USP6NL: variants seen among roughly 807,000 people sequenced by gnomAD.
USP6NL encodes the protein USP6 N-terminal-like protein.
In USP6NL, 26 loss-of-function variants were observed where a neutral mutation model predicts 61.9. The observed-to-expected ratio is 0.42, with a 90% CI of 0.31 to 0.58. USP6NL has a LOEUF of 0.58. Among genes scored for constraint, USP6NL ranks in the 20% least tolerant of loss-of-function variants. The pLI, the probability that USP6NL is intolerant of heterozygous loss-of-function variation, is 0.16. For synonymous variants in USP6NL, 432 were observed against 390.1 expected (o/e 1.11, Z -1.27); for missense variants, 1,114 against 1,034.3 (o/e 1.08, Z -1.06).
intron 2 of USP6NL, among the ~76,000 whole-genome samples, chr10:11,572,081 C>A (rs1341009563): frequency 6.6e-6 from 1 of 151,490 alleles, no homozygotes; most frequent in Non-Finnish European, 1.5e-5. Context: ...TTAAAAGGCA[C>A]AAAAATTATT....
chr10:11,503,369 T>C (rs1230539863), intron 6 of USP6NL, among the ~76,000 whole-genome samples: 1 of 152,186 alleles, frequency 6.6e-6, no homozygotes, highest in Non-Finnish European at 1.5e-5. Context: ...TACTCAATAA[T>C]TGTACATAAG....
intron 4 of USP6NL, among the ~76,000 whole-genome samples, chr10:11,522,493 C>T (rs1190606761): frequency 6.6e-6 from 1 of 152,190 alleles, no homozygotes; most frequent in African/African-American, 2.4e-5. Context: ...AAATGTTTTA[C>T]TTAAACTACT....
rs1482574330 is a variant in USP6NL at position 11,493,231 on chromosome 10, GAAGAGAGA to G, written c.385-11_385-4del. 1 of 1,602,726 alleles carries G rather than the reference GAAGAGAGA, an allele frequency of 6.2e-7. No individual in the cohort carries two copies. Among genetic ancestry groups the G allele is most frequent in the African/African-American group, 1.3e-5 (1 of 74,730 alleles). ...CCCCGTGCTCTGTGTTTTAATTTCT[GAAGAGAGA>G]AAGAGAGAACAGAACAGATTTTTAT... On this transcript the variant is annotated splice_polypyrimidine_tract_variant and splice_region_variant and intron_variant, in intron 7 of 14. Coordinates refer to ENST00000609104, the MANE Select transcript of USP6NL (RefSeq NM_014688.5).
At chr10:11,539,123 C>T (rs1162086302) in intron 2 of USP6NL, among the ~76,000 whole-genome samples, 1 of 152,194 alleles carries the variant, frequency 6.6e-6, no homozygotes, top group South Asian at 2.1e-4. Flanking sequence ...GACAGGCTCA[C>T]CTCCTGCTCT....
rs1463292240 is a variant in USP6NL at position 11,574,293 on chromosome 10, C to T, written c.4+23338G>A. On this transcript the variant is annotated intron_variant, in intron 2 of 14. Coordinates refer to ENST00000609104, the MANE Select transcript of USP6NL (RefSeq NM_014688.5). The surrounding 1 kb of genome is among the most constrained non-coding windows in gnomAD (Gnocchi z 4.3). ...TGCCTCAAAAATATCCTATAAATTC[C>T]TTGTCCTCCTCCTCACATATACACC... Among the ~76,000 whole-genome samples the T allele has an allele frequency of 6.6e-6, 1 of 152,128 alleles. No homozygotes were observed. The highest frequency in any genetic ancestry group is 6.5e-5 in the Admixed American group (1 of 15,280).
In USP6NL at chr10:11,462,995, G is replaced by A; in HGVS notation, c.1933C>T (p.His645Tyr). ...AAGCTGCTGTTGGCAGTAGGGAAGT[G>A]TTTGGGAGAGTTTCCGTGGTAAACG... The part of the protein sequence containing the change: ...PPVYHGNSPK[H>Y]FPTANSSFAS... Residue 645 changes from histidine (H) to tyrosine (Y), a missense_variant, in exon 15 of 15, where the codon CAC becomes TAC. Physicochemically the swap from His to Tyr is moderately conservative, Grantham distance 83. Transcript: ENST00000609104. 1.9e-6 allele frequency: 3 copies of A among 1,613,972 alleles called. No homozygotes were observed. Among genetic ancestry groups the A allele is most frequent in the Non-Finnish European group, 2.5e-6 (3 of 1,179,882 alleles).
chr10:11,508,686 C>CAGTG (rs1834563314), intron 6 of USP6NL, among the ~76,000 whole-genome samples: 1 of 152,190 alleles, frequency 6.6e-6, no homozygotes, highest in South Asian at 2.1e-4. Flanking sequence ...ACGTAACGAG[C>CAGTG]AGTGACGAGA....
At chr10:11,473,589 C>A (rs550865069) in intron 14 of USP6NL, among the ~76,000 whole-genome samples, 2 of 152,130 alleles carry the variant, frequency 1.3e-5, no homozygotes, top group Non-Finnish European at 2.9e-5. Flanking sequence ...AAGAGCAGGC[C>A]GATTAGAGCT....
chr10:11,463,526 C>G lies in USP6NL; in HGVS notation c.1402G>C (p.Ala468Pro). The change falls in exon 15 of 15, where the codon GCT becomes CCT. Residue 468 changes from alanine (A) to proline (P), a missense_variant. Transcript: ENST00000609104. The surrounding 1 kb of genome is among the most constrained non-coding windows in gnomAD (Gnocchi z 6.3). ...GTGGCGTTGCTATTTTGGTTGGCAG[C>G]TGCGTGATTATATTGCCTGGAACTG... ...QDSSRQYNHA[A>P]ANQNSNATSN... 1 of 1,614,058 alleles carries G rather than the reference C, an allele frequency of 6.2e-7. No homozygotes were observed. Among genetic ancestry groups the G allele is most frequent in the Non-Finnish European group, 8.5e-7 (1 of 1,179,908 alleles).
At chr10:11,484,396 G>GTT (rs34864370) in intron 13 of USP6NL, among the ~76,000 whole-genome samples, 30 of 144,750 alleles carry the variant, frequency 2.1e-4, no homozygotes, top group Non-Finnish European at 1.4e-4. Context: ...AAATTCTCCA[G>GTT]TTTTTTTTTT....
chr10:11,569,875 T>C (rs2133566308), intron 2 of USP6NL, among the ~76,000 whole-genome samples: 1 of 152,300 alleles, frequency 6.6e-6, no homozygotes, highest in East Asian at 1.9e-4. Context: ...CTCCTCCCCC[T>C]ATCACCCTAA....
chr10:11,547,689 C>T lies in USP6NL; in HGVS notation c.5-20122G>A, dbSNP rs142787934. 6.5e-3 allele frequency among the ~76,000 whole-genome samples: 989 copies of T among 152,148 alleles called. 10 individuals carry two copies. Among genetic ancestry groups the T allele is most frequent in the East Asian group, 0.049 (251 of 5,166 alleles). The stretch of plus-strand genomic sequence containing the variant: ...CCGAGTAGCTGGGACTACAGGCATC[C>T]GCCATCACGCCCAGCTAATTTTTTG... On this transcript the variant is annotated intron_variant, in intron 2 of 14. Transcript: ENST00000609104.
chr10:11,524,412 G>C (rs1435406271), intron 4 of USP6NL, among the ~76,000 whole-genome samples: 1 of 152,048 alleles, frequency 6.6e-6, no homozygotes, highest in Non-Finnish European at 1.5e-5. Flanking sequence ...TAAAAATGAA[G>C]CACAAAATGG....
intron 2 of USP6NL, among the ~76,000 whole-genome samples, chr10:11,544,371 A>G (rs1034216496): frequency 6.6e-6 from 1 of 152,094 alleles, no homozygotes; most frequent in Non-Finnish European, 1.5e-5. Flanking sequence ...TTTACATGAA[A>G]GATCTGCCAT....
At chr10:11,524,192 G>A (rs1019237930) in intron 4 of USP6NL, among the ~76,000 whole-genome samples, 1 of 152,144 alleles carries the variant, frequency 6.6e-6, no homozygotes, top group Non-Finnish European at 1.5e-5. Flanking sequence ...CCAGGAGTTT[G>A]AGAAACAGGG....
chr10:11,529,805 G>C (rs973910198), intron 2 of USP6NL, among the ~76,000 whole-genome samples: 57 of 152,090 alleles, frequency 3.7e-4, no homozygotes, highest in African/African-American at 1.4e-3. Flanking sequence ...CCAAAGCATA[G>C]GGAAAGCAAA....
rs544683085 is a variant in USP6NL at position 11,595,013 on chromosome 10, G to A, written c.4+2618C>T. Among the ~76,000 whole-genome samples, 1 of 152,334 alleles carries A rather than the reference G, an allele frequency of 6.6e-6. No individual in the cohort carries two copies. The highest frequency in any genetic ancestry group is 1.9e-4 in the East Asian group (1 of 5,184). ...CTCCCAACTGGAGTGCTGTGTGGGT[G>A]ACAGGCAGTGGCTCTAGGAACTAGC... On this transcript the variant is annotated intron_variant, in intron 2 of 14. Coordinates refer to ENST00000609104, the MANE Select transcript of USP6NL (RefSeq NM_014688.5). The surrounding 1 kb of genome is among the most constrained non-coding windows in gnomAD (Gnocchi z 5.3).
At position 11,463,243 on chromosome 10, in the gene USP6NL, C is replaced by T; in HGVS notation, c.1685G>A (p.Gly562Asp). 1 of 1,613,600 alleles carries T rather than the reference C, an allele frequency of 6.2e-7. No homozygotes were observed. Among genetic ancestry groups the T allele is most frequent in the Non-Finnish European group, 8.5e-7 (1 of 1,179,888 alleles). The change falls in exon 15 of 15, where the codon GGC becomes GAC. Residue 562 changes from glycine (G) to aspartate (D), a missense_variant. Physicochemically the swap from Gly to Asp is moderately conservative, Grantham distance 94. Coordinates refer to ENST00000609104, the MANE Select transcript of USP6NL (RefSeq NM_014688.5). This position sits in a 1 kb window ranked among gnomAD's most constrained non-coding sequence, Gnocchi z 6.3. ...TTCCAGCGCCTCCTCCACGGAAGCGCCGCTGTCCAGCTCCGGGCCTGGCAC... is the reference window on the plus strand; with the variant it reads ...TTCCAGCGCCTCCTCCACGGAAGCGTCGCTGTCCAGCTCCGGGCCTGGCAC... ...DNVPGPELDS[G>D]ASVEEALERA...
intron 2 of USP6NL, among the ~76,000 whole-genome samples, chr10:11,531,335 C>T (rs965723607): frequency 6.2e-4 from 94 of 150,708 alleles, no homozygotes; most frequent in African/African-American, 2.1e-3. Context: ...TTCTTTTTTT[C>T]TTTTTGAGAC....
Sources: allele counts gnomAD v4.1 joint callset (sites outside exome capture counted in the v4.1 genomes callset), GRCh38; gene constraint gnomAD v4.1.1; non-coding constraint Gnocchi (gnomAD v3.1); transcripts MANE v1.5; gene names NCBI Gene and HGNC (gene_info 2026-07-23, HGNC 2026-07-21).